The following NLGN4Y variants were observed in gnomAD, a reference collection of about 807,000 sequenced individuals.
The protein encoded by NLGN4Y is neuroligin-4, Y-linked.
Under a neutral mutation model 8.4 loss-of-function variants are expected in NLGN4Y, and 4 were observed. That is an observed-to-expected ratio of 0.48 (90% CI 0.23 to 1.09). NLGN4Y has a LOEUF of 1.09. Among genes scored for constraint, NLGN4Y ranks in the 50% least tolerant of loss-of-function variants. The probability of loss-of-function intolerance (pLI) is 0.19; values close to 1 mark genes in which losing one functional copy is unlikely to be tolerated. For synonymous variants in NLGN4Y, 35 were observed against 75.6 expected (o/e 0.46, Z 2.78); for missense variants, 90 against 192.3 (o/e 0.47, Z 3.15).
chrY:14,829,064 G>T, intron 5 of NLGN4Y, among the ~76,000 whole-genome samples: 2 of 32,983 alleles, frequency 6.1e-5, no homozygotes, highest in African/African-American at 2.4e-4. Context: ...AAAAATCTCT[G>T]AGTTACCAGT....
At chrY:14,834,550 G>T (rs2043190739) in intron 6 of NLGN4Y, among the ~76,000 whole-genome samples, 1 of 34,219 alleles carries the variant, frequency 2.9e-5, no homozygotes, top group African/African-American at 1.1e-4. Context: ...TGACTCAAAT[G>T]ATTCATCAAG....
rs769949604 is a variant in NLGN4Y, at chrY:14,629,747, G to A, written c.472+7156G>A. ...CAGAGTTTTAATTGGCTCAGTTGAC[G>A]CAATAGTAAGAAGTGATAAAACTGG... On this transcript the variant is annotated intron_variant, in intron 2 of 6. Coordinates refer to ENST00000684976, the MANE Select transcript of NLGN4Y (RefSeq NM_001365588.1). Among the ~76,000 whole-genome samples the A allele has an allele frequency of 1.5e-4, 5 of 33,444 alleles. No homozygotes were observed. In the South Asian group the frequency reaches 2.7e-3, roughly 18 times the overall value. 89.7% of individuals were successfully genotyped at this position (33,444 alleles called of 37,273 possible).
At chrY:14,751,419 T>C in intron 4 of NLGN4Y, among the ~76,000 whole-genome samples, 2 of 33,278 alleles carry the variant, frequency 6.0e-5, no homozygotes, top group Non-Finnish European at 1.5e-4. Flanking sequence ...TTTCTTCTTC[T>C]GATCTAATGG....
At chrY:14,723,596 T>C (rs751196063) in intron 4 of NLGN4Y, among the ~76,000 whole-genome samples, 12 of 34,115 alleles carry the variant, frequency 3.5e-4, no homozygotes, top group Admixed American at 3.2e-3. Context: ...TGTTTCTTCA[T>C]TGGAATTAAA....
chrY:14,771,629 G>A, intron 4 of NLGN4Y, among the ~76,000 whole-genome samples: 1 of 32,841 alleles, frequency 3.0e-5, no homozygotes, highest in African/African-American at 1.2e-4. Context: ...ACACTGTGAA[G>A]AAACAGCATG....
intron 4 of NLGN4Y, among the ~76,000 whole-genome samples, chrY:14,811,464 G>A (rs1002938964): frequency 3.0e-5 from 1 of 33,062 alleles, no homozygotes; most frequent in Non-Finnish European, 7.4e-5. Flanking sequence ...GTATGTATGC[G>A]CCAGCTACAG....
chrY:14,832,850 G>T (rs2043184893), intron 6 of NLGN4Y, among the ~76,000 whole-genome samples: 1 of 33,511 alleles, frequency 3.0e-5, no homozygotes, highest in African/African-American at 1.2e-4. Flanking sequence ...TGCTAATGAA[G>T]TTTCGAGCAC....
chrY:14,659,525 C>T, intron 2 of NLGN4Y, among the ~76,000 whole-genome samples: 1 of 33,145 alleles, frequency 3.0e-5, no homozygotes, highest in African/African-American at 1.2e-4. Flanking sequence ...ATATGCTCCT[C>T]CTAGTGAGAG....
At chrY:14,666,996 G>A (rs2080693816) in intron 2 of NLGN4Y, among the ~76,000 whole-genome samples, 3 of 31,696 alleles carry the variant, frequency 9.5e-5, no homozygotes, top group Non-Finnish European at 2.3e-4. Flanking sequence ...TATTATGAAC[G>A]TTTTCAATAG....
At chrY:14,563,771 G>A (rs1038891345) in intron 1 of NLGN4Y, among the ~76,000 whole-genome samples, 1 of 33,193 alleles carries the variant, frequency 3.0e-5, no homozygotes. Flanking sequence ...ACTTTGGAGG[G>A]TATATGTGTC....
chrY:14,698,416 C>A (rs1011547174), intron 2 of NLGN4Y, among the ~76,000 whole-genome samples: 3 of 33,312 alleles, frequency 9.0e-5, no homozygotes, highest in African/African-American at 2.3e-4. Context: ...TGAAATAATT[C>A]TCAGGCAATC....
intron 1 of NLGN4Y, among the ~76,000 whole-genome samples, chrY:14,531,622 AAAT>A (rs2080115384): frequency 3.2e-5 from 1 of 30,912 alleles, no homozygotes; most frequent in Non-Finnish European, 7.7e-5. Context: ...TATATAATAA[AAAT>A]GTGTTTTGTA....
At chrY:14,582,721 T>C (rs756834265) in intron 1 of NLGN4Y, among the ~76,000 whole-genome samples, 105 of 34,275 alleles carry the variant, frequency 3.1e-3, no homozygotes, top group African/African-American at 0.011. Context: ...GCAATACTTA[T>C]GTGGTTAATA....
intron 1 of NLGN4Y, among the ~76,000 whole-genome samples, chrY:14,600,296 C>CT (rs2080422510): frequency 3.2e-5 from 1 of 31,294 alleles, no homozygotes; most frequent in Non-Finnish European, 7.6e-5. Context: ...TTTCTCCAAA[C>CT]TAAGCAACTG....
At chrY:14,526,428 ATG>A (rs2080093953) in intron 1 of NLGN4Y, among the ~76,000 whole-genome samples, 1 of 32,189 alleles carries the variant, frequency 3.1e-5, no homozygotes, top group African/African-American at 1.2e-4. Context: ...ATATTTCTGT[ATG>A]TGTGTCTGTG....
intron 2 of NLGN4Y, among the ~76,000 whole-genome samples, chrY:14,704,071 G>C: frequency 3.0e-5 from 1 of 33,297 alleles, no homozygotes; most frequent in Non-Finnish European, 7.4e-5. Flanking sequence ...TGAGACAATG[G>C]GTTTTTCTAA....
At chrY:14,593,323 T>G (rs2080380481) in intron 1 of NLGN4Y, among the ~76,000 whole-genome samples, 1 of 33,807 alleles carries the variant, frequency 3.0e-5, no homozygotes, top group African/African-American at 1.2e-4. Context: ...CACAGGGGCC[T>G]TATGATATAC....
chrY:14,529,445 C>T (rs2080103626), intron 1 of NLGN4Y, among the ~76,000 whole-genome samples: 4 of 32,547 alleles, frequency 1.2e-4, no homozygotes, highest in Non-Finnish European at 2.2e-4. Context: ...AAGTTGCATG[C>T]GGTGCCATTT....
intron 2 of NLGN4Y, among the ~76,000 whole-genome samples, chrY:14,656,785 AACTAGG>A (rs2080655504): frequency 3.6e-5 from 1 of 27,912 alleles, no homozygotes; most frequent in African/African-American, 1.4e-4. Flanking sequence ...ATTCACTCCA[AACTAGG>A]ACATTGCAAA....
Sources: allele counts gnomAD v4.1 joint callset (sites outside exome capture counted in the v4.1 genomes callset), GRCh38; gene constraint gnomAD v4.1.1; transcripts MANE v1.5; gene names NCBI Gene and HGNC (gene_info 2026-07-23, HGNC 2026-07-21).